Variants in LINGO2 observed in about 807,000 individuals in gnomAD.
LINGO2 encodes leucine rich repeat and Ig domain containing 2, also known as leucine-rich repeat and immunoglobulin-like domain-containing nogo receptor-interacting protein 2.
Under a neutral mutation model 30.6 loss-of-function variants are expected in LINGO2, and 14 were observed. That is an observed-to-expected ratio of 0.46 (90% CI 0.30 to 0.72). The LOEUF is 0.72. Ranked by LOEUF, LINGO2 falls within the 30% of genes least tolerant of loss-of-function variation. LINGO2 has a pLI of 0.07. For missense variants in LINGO2, 729 were observed against 751.7 expected, an observed-to-expected ratio of 0.97 and a Z score of 0.35; for synonymous variants, 317 against 288.5, an observed-to-expected ratio of 1.10 and a Z score of -1.00.
At chr9:28,337,534 A>G (rs897657471) in intron 3 of LINGO2, among the ~76,000 whole-genome samples, 1 of 152,202 alleles carries the variant, frequency 6.6e-6, no homozygotes, top group Non-Finnish European at 1.5e-5. Flanking sequence ...AGGGCATGTC[A>G]GAGACCTGCA....
At chr9:29,196,083 T>C in the LINGO2 span, among the ~76,000 whole-genome samples, 3 of 152,144 alleles carry the variant, frequency 2.0e-5, no homozygotes, top group Non-Finnish European at 4.4e-5. Context: ...TTGGACATAT[T>C]GTAGTTTATT....
the LINGO2 span, among the ~76,000 whole-genome samples, chr9:29,147,428 T>C: frequency 1.3e-5 from 2 of 152,124 alleles, no homozygotes; most frequent in South Asian, 4.1e-4. Context: ...GCACACAAAT[T>C]TAGGAAAAGC....
the LINGO2 span, among the ~76,000 whole-genome samples, chr9:29,111,062 A>G: frequency 1.3e-5 from 2 of 152,240 alleles, no homozygotes; most frequent in African/African-American, 4.8e-5. Context: ...CTTTTATACA[A>G]TACCATAAAA....
intron 2 of LINGO2, among the ~76,000 whole-genome samples, chr9:28,463,960 A>G (rs553097457): frequency 5.0e-4 from 76 of 152,236 alleles, no homozygotes; most frequent in South Asian, 1.0e-3. Flanking sequence ...AATGTACTTC[A>G]CATTATGCCT....
chr9:28,032,495 G>A (rs1357680586), intron 4 of LINGO2, among the ~76,000 whole-genome samples: 1 of 152,226 alleles, frequency 6.6e-6, no homozygotes. Context: ...TCTAGTTACA[G>A]CTTAAGAGAA....
chr9:29,029,282 C>A, the LINGO2 span, among the ~76,000 whole-genome samples: 1 of 152,034 alleles, frequency 6.6e-6, no homozygotes, highest in South Asian at 2.1e-4. Flanking sequence ...TTAATATTTA[C>A]AAACACAAAT....
chr9:29,120,531 C>T, the LINGO2 span, among the ~76,000 whole-genome samples: 1 of 152,144 alleles, frequency 6.6e-6, no homozygotes, highest in Non-Finnish European at 1.5e-5. Flanking sequence ...ATACTACTAA[C>T]TGTGGTCCAA....
At chr9:28,716,191 C>T in the LINGO2 span, among the ~76,000 whole-genome samples, 1 of 151,256 alleles carries the variant, frequency 6.6e-6, no homozygotes, top group Non-Finnish European at 1.5e-5. Flanking sequence ...ACAATAAAAT[C>T]TTCTCAGCAA....
chr9:28,604,252 T>C (rs62560671), intron 1 of LINGO2, among the ~76,000 whole-genome samples: 46,039 of 151,610 alleles, frequency 0.3, 7,159 homozygotes, highest in Admixed American at 0.39. Flanking sequence ...AAAAACTAAA[T>C]GCCCCAAAAG....
At chr9:29,079,617 T>C in the LINGO2 span, among the ~76,000 whole-genome samples, 2 of 147,700 alleles carry the variant, frequency 1.4e-5, no homozygotes, top group Non-Finnish European at 3.0e-5. Flanking sequence ...ATTATGGCCA[T>C]ATATAATCTA....
chr9:28,104,255 G>GTTTTTTTTTTTTTTTTT (rs1453019033), intron 4 of LINGO2, among the ~76,000 whole-genome samples: 8 of 75,166 alleles, frequency 1.1e-4, no homozygotes, highest in East Asian at 5.1e-4. Context: ...CCCAGTACAA[G>GTTTTTTTTTTTTTTTTT]TTTTTTGTTT....
rs1036484161 is a variant in LINGO2 at position 28,411,931 on chromosome 9, A to AT, written c.-278-39064dup. On this transcript the variant is annotated intron_variant, in intron 2 of 5. Transcript: ENST00000379992. ...CTTCAAGTTCTTGCCAAAACTTGTT[A>AT]TTTTTTTATTAAAAATATTGATTTC... Among the ~76,000 whole-genome samples, 9 of 151,988 alleles carry AT rather than the reference A, an allele frequency of 5.9e-5. No individual in the cohort carries two copies. In the East Asian group the frequency reaches 9.6e-4, roughly 16 times the overall value.
the LINGO2 span, among the ~76,000 whole-genome samples, chr9:28,744,657 G>C: frequency 4.3e-5 from 4 of 92,176 alleles, no homozygotes; most frequent in African/African-American, 1.2e-4. Flanking sequence ...TTTTTTTTGA[G>C]ATGGAGTCTC....
the LINGO2 span, among the ~76,000 whole-genome samples, chr9:28,967,725 G>C: frequency 6.6e-6 from 1 of 152,178 alleles, no homozygotes; most frequent in Non-Finnish European, 1.5e-5. Flanking sequence ...TGTCAGACAA[G>C]GTTAGGATGT....
chr9:28,884,667 C>CATATATAT, the LINGO2 span, among the ~76,000 whole-genome samples: 27 of 126,968 alleles, frequency 2.1e-4, no homozygotes, highest in African/African-American at 7.6e-4. Flanking sequence ...ATGTATTTTC[C>CATATATAT]ATATATATAT....
chr9:29,049,377 AGTATAACAGTTT>A, the LINGO2 span, among the ~76,000 whole-genome samples: 1 of 152,260 alleles, frequency 6.6e-6, no homozygotes, highest in South Asian at 2.1e-4. Flanking sequence ...AATGTACATC[AGTATAACAGTTT>A]GGAAGTTCCT....
intron 4 of LINGO2, among the ~76,000 whole-genome samples, chr9:28,044,869 T>A (rs909513624): frequency 6.6e-6 from 1 of 152,136 alleles, no homozygotes; most frequent in Non-Finnish European, 1.5e-5. Context: ...TCCCTTTCTG[T>A]ACTTAGAAAA....
intron 4 of LINGO2, among the ~76,000 whole-genome samples, chr9:28,135,196 C>T (rs1330640195): frequency 6.6e-6 from 1 of 152,022 alleles, no homozygotes; most frequent in Non-Finnish European, 1.5e-5. Flanking sequence ...AATATTTCAT[C>T]ATAGGCTTAA....
the LINGO2 span, among the ~76,000 whole-genome samples, chr9:29,079,477 T>A: frequency 6.6e-6 from 1 of 151,990 alleles, no homozygotes; most frequent in Non-Finnish European, 1.5e-5. Flanking sequence ...AATATCTAGA[T>A]ATACACATTT....
Sources: gnomAD v4.1 joint callset for allele counts (sites outside exome capture counted in the v4.1 genomes callset) on GRCh38, gnomAD v4.1.1 for gene constraint, MANE v1.5 for transcripts, NCBI Gene and HGNC (gene_info 2026-07-23, HGNC 2026-07-21) for gene names.